The following RP1L1 variants were observed in gnomAD, a reference collection of about 807,000 sequenced individuals.
The protein encoded by RP1L1 is retinitis pigmentosa 1-like 1 protein.
Under a neutral mutation model 15.7 loss-of-function variants are expected in RP1L1, and 27 were observed. The observed-to-expected ratio is 1.72, with a 90% CI of 1.27 to 2.38. RP1L1 has a LOEUF of 2.38. RP1L1 is among the 30% of genes most tolerant of loss of function. RP1L1 has a pLI of 0.00. For synonymous variants in RP1L1, 1,813 were observed against 1,276.7 expected (o/e 1.42, Z -8.96); for missense variants, 4,798 against 3,075.9 (o/e 1.56, Z -13.24).
At chr8:10,626,686 G>A (rs775244116) in intron 1 of RP1L1, among the ~76,000 whole-genome samples, 1 of 152,216 alleles carries the variant, frequency 6.6e-6, no homozygotes, top group Non-Finnish European at 1.5e-5. Context: ...TCATTGCAAA[G>A]ATGCATCCTG....
intron 1 of RP1L1, among the ~76,000 whole-genome samples, chr8:10,633,987 C>A (rs200822689): frequency 6.6e-6 from 1 of 152,086 alleles, no homozygotes; most frequent in Non-Finnish European, 1.5e-5. Context: ...GAAGGGTGCC[C>A]GAGGGCCTGA....
chr8:10,620,200 G>C (rs1478654135), intron 2 of RP1L1, among the ~76,000 whole-genome samples: 1 of 152,166 alleles, frequency 6.6e-6, no homozygotes, highest in Non-Finnish European at 1.5e-5. Flanking sequence ...TGTTAGTCCA[G>C]GGTCTCACTT....
chr8:10,617,820 T>C (rs1797994944), intron 2 of RP1L1, among the ~76,000 whole-genome samples: 1 of 152,190 alleles, frequency 6.6e-6, no homozygotes, highest in Non-Finnish European at 1.5e-5. Context: ...CCTCCCAAAG[T>C]GCTGGGATTA....
chr8:10,610,192 T>G lies in RP1L1; in HGVS notation c.3906A>C (p.Gln1302His), dbSNP rs767080520. ...LAENTVQEEV[Q>H]LEETKEGTEG... ...CTGTTCCTTCTTTAGTTTCCTCTAA[T>G]TGCACCTCTTCTTGCACTGTGTTTT... Residue 1302 changes from glutamine (Q) to histidine (H), a missense_variant, in exon 4 of 4, where the codon CAA becomes CAC. Coordinates refer to ENST00000382483, the MANE Select transcript of RP1L1 (RefSeq NM_178857.6). 1 of 1,220,864 alleles carries G rather than the reference T, an allele frequency of 8.2e-7. No homozygotes were observed. The highest frequency in any genetic ancestry group is 1.1e-6 in the Non-Finnish European group (1 of 948,630). 75.6% of individuals were successfully genotyped at this position (1,220,864 alleles called of 1,614,324 possible). A position where few individuals can be genotyped will look rare whatever the true frequency, so the allele number is the denominator to read the frequency against.
intron 1 of RP1L1, among the ~76,000 whole-genome samples, chr8:10,628,616 G>T (rs1292211051): frequency 6.6e-6 from 1 of 152,084 alleles, no homozygotes; most frequent in Admixed American, 6.5e-5. Flanking sequence ...GAGCCCCGGT[G>T]GTATGACTTC....
In RP1L1 at chr8:10,609,056, CCT is replaced by C; in HGVS notation, c.5040_5041del (p.Gly1681SerfsTer7). ...CAGGTCAAAGGCCTCTTTGATGGGACCTCTGGTTGCCCCCATTGTGGCCTTGG... is the reference window on the plus strand; with the variant it reads ...CAGGTCAAAGGCCTCTTTGATGGGACCTGGTTGCCCCCATTGTGGCCTTGG... On this transcript the variant is annotated frameshift_variant, in exon 4 of 4. Transcript: ENST00000382483. LOFTEE classifies it low-confidence loss of function (END_TRUNC). 6.2e-7 allele frequency: 1 copy of C among 1,613,840 alleles called. No homozygotes were observed. The highest frequency in any genetic ancestry group is 8.5e-7 in the Non-Finnish European group (1 of 1,179,772).
Position 10,606,782 on chromosome 8 carries a change from T to C in RP1L1, c.*113A>G. ...GTGTCCTTGGCAAGTCCTTGGTCTT[T>C]GTCCATGTACTATGGACATCTCCAG... On this transcript the variant is annotated 3_prime_UTR_variant, in exon 4 of 4. Transcript: ENST00000382483. The C allele has an allele frequency of 6.4e-7, 1 of 1,555,654 alleles. No homozygotes were observed. Among genetic ancestry groups the C allele is most frequent in the South Asian group, 1.2e-5 (1 of 84,574 alleles).
At chr8:10,616,974 C>T (rs925946687) in intron 2 of RP1L1, among the ~76,000 whole-genome samples, 6 of 152,118 alleles carry the variant, frequency 3.9e-5, no homozygotes, top group African/African-American at 1.4e-4. Context: ...CAGCGGGGCC[C>T]GATTCACTCT....
chr8:10,618,223 G>A (rs1274190865), intron 2 of RP1L1, among the ~76,000 whole-genome samples: 3 of 152,170 alleles, frequency 2.0e-5, no homozygotes, highest in Non-Finnish European at 4.4e-5. Flanking sequence ...CTACCAGCCA[G>A]ATGCAGTGGT....
Position 10,610,089 on chromosome 8 carries a change from G to A in RP1L1, c.4009C>T (p.Gln1337Ter), listed in dbSNP as rs757952022. 18 of 1,481,330 alleles carry A rather than the reference G, an allele frequency of 1.2e-5. No individual in the cohort carries two copies. Among genetic ancestry groups the A allele is most frequent in the East Asian group, 8.7e-5 (3 of 34,494 alleles). The allele number at this position is 1,481,330 out of a possible 1,614,324, so 91.8% of individuals were successfully genotyped here. A position where few individuals can be genotyped will look rare whatever the true frequency, so the allele number is the denominator to read the frequency against. The change falls in exon 4 of 4, where the codon CAG (glutamine) becomes TAG (stop). Residue 1337 changes from glutamine to a stop codon, truncating the protein, a stop_gained. Transcript: ENST00000382483. LOFTEE classifies it low-confidence loss of function (END_TRUNC). Reference protein sequence around the residue: ...TEEGLQEEGVQLEETKETEGE... With the variant: ...TEEGLQEEGV ...TCTGTTTCTTTAGTTTCCTCTAACT[G>A]CACCCCCTCTTCTTGCAGCCCTTCT... is the stretch of plus-strand genomic sequence containing the variant.
At chr8:10,649,891 G>T (rs986508349) in intron 1 of RP1L1, among the ~76,000 whole-genome samples, 1 of 152,082 alleles carries the variant, frequency 6.6e-6, no homozygotes, top group South Asian at 2.1e-4. Context: ...CCCTTCAGCC[G>T]CCCCTGCCCC....
At chr8:10,621,712 G>A (rs559169643) in intron 2 of RP1L1, 40 of 503,130 alleles carry the variant, frequency 8.0e-5, no homozygotes, top group Non-Finnish European at 1.5e-4. Context: ...TGTGAATTAG[G>A]TCAGTCAACC....
At chr8:10,640,413 C>G (rs1798389665) in intron 1 of RP1L1, among the ~76,000 whole-genome samples, 1 of 152,042 alleles carries the variant, frequency 6.6e-6, no homozygotes. Flanking sequence ...TAATCCCAGC[C>G]CTCTGGGAGG....
chr8:10,650,453 G>A (rs2117269997), intron 1 of RP1L1, among the ~76,000 whole-genome samples: 1 of 152,200 alleles, frequency 6.6e-6, no homozygotes, highest in African/African-American at 2.4e-5. Context: ...CTATGATAAT[G>A]AGCTGTCACG....
In RP1L1 at chr8:10,607,478, G is replaced by C. The variant is rs373847386; in HGVS notation, c.6620C>G (p.Pro2207Arg). Reference sequence around the variant, plus strand: ...CGGGGCCTCTACACCTTCTAACTCTGGTTGGGCCTCCCCTTCTGCCTCTGG... The same window carrying C: ...CGGGGCCTCTACACCTTCTAACTCTCGTTGGGCCTCCCCTTCTGCCTCTGG... ...EAPEAEGEAQ[P>R]ELEGVEAPEA... Residue 2207 changes from proline (P) to arginine (R), a missense_variant, in exon 4 of 4, where the codon CCA becomes CGA. Coordinates refer to ENST00000382483, the MANE Select transcript of RP1L1 (RefSeq NM_178857.6). The C allele has an allele frequency of 9.2e-5, 148 of 1,610,776 alleles. 1 individual carries two copies. In the African/African-American group the frequency reaches 1.7e-3, roughly 18 times the overall value.
In RP1L1 at chr8:10,610,663, A is replaced by AG. The variant is rs761379438; in HGVS notation, c.3434dup (p.Arg1146SerfsTer17). 7 of 1,612,178 alleles carry AG rather than the reference A, an allele frequency of 4.3e-6. No homozygotes were observed. The highest frequency in any genetic ancestry group is 5.9e-6 in the Non-Finnish European group (7 of 1,179,194). On this transcript the variant is annotated frameshift_variant, in exon 4 of 4. Coordinates refer to ENST00000382483, the MANE Select transcript of RP1L1 (RefSeq NM_178857.6). LOFTEE classifies it low-confidence loss of function (END_TRUNC). The stretch of plus-strand genomic sequence containing the variant: ...AGATGCTGAGCAGCTCCTGGTACCG[A>AG]GGGGAGTCTTTGAACCTCACTTTGC...
chr8:10,621,774 T>G (rs370576580), intron 2 of RP1L1: 1 of 505,638 alleles, frequency 2.0e-6, no homozygotes, highest in East Asian at 5.5e-5. Context: ...CGGCAGAACC[T>G]GGAAAGGCAA....
At chr8:10,639,016 A>G (rs1276901315) in intron 1 of RP1L1, among the ~76,000 whole-genome samples, 1 of 152,034 alleles carries the variant, frequency 6.6e-6, no homozygotes, top group African/African-American at 2.4e-5. Context: ...GTGGTGGTGC[A>G]TGCCTGTAAT....
chr8:10,632,544 C>T (rs751058827), intron 1 of RP1L1, among the ~76,000 whole-genome samples: 12 of 152,226 alleles, frequency 7.9e-5, no homozygotes, highest in Non-Finnish European at 1.6e-4. Context: ...TCCTTGTCTC[C>T]GCTCCTCTCA....
Sources: gnomAD v4.1 joint callset for allele counts (sites outside exome capture counted in the v4.1 genomes callset) on GRCh38, gnomAD v4.1.1 for gene constraint, MANE v1.5 for transcripts, NCBI Gene and HGNC (gene_info 2026-07-23, HGNC 2026-07-21) for gene names.